The following AKR1C8 variants were observed in gnomAD, a reference collection of about 807,000 sequenced individuals.
AKR1C8 encodes the protein aldo-keto reductase family 1 member C-like protein 1.
chr10:5,148,171 A>G, the AKR1C8 span, among the ~76,000 whole-genome samples: 1 of 152,230 alleles, frequency 6.6e-6, no homozygotes, highest in Admixed American at 6.5e-5. Context: ...GCTGAATGAG[A>G]AACTGATCTC....
At chr10:5,119,916 A>T in the AKR1C8 span, among the ~76,000 whole-genome samples, 1 of 152,176 alleles carries the variant, frequency 6.6e-6, no homozygotes, top group Non-Finnish European at 1.5e-5. Context: ...TGTATCTCTA[A>T]TATCTAGACA....
the AKR1C8 span, among the ~76,000 whole-genome samples, chr10:5,125,469 C>G: frequency 6.6e-6 from 1 of 152,162 alleles, no homozygotes; most frequent in African/African-American, 2.4e-5. Context: ...AATACCTCCC[C>G]TAGGGCAACA....
At chr10:5,179,559 T>G in the AKR1C8 span, among the ~76,000 whole-genome samples, 1,910 of 151,846 alleles carry the variant, frequency 0.013, 27 homozygotes, top group Middle Eastern at 0.031. Flanking sequence ...TCCTGGATAA[T>G]ATCCTGCAGA....
the AKR1C8 span, among the ~76,000 whole-genome samples, chr10:5,157,973 G>A: frequency 3.3e-5 from 5 of 152,132 alleles, no homozygotes; most frequent in African/African-American, 1.2e-4. Context: ...GCAGTGAACT[G>A]GAAACAATAA....
the AKR1C8 span, chr10:5,121,956 G>A: frequency 4.7e-6 from 1 of 213,134 alleles, no homozygotes; most frequent in South Asian, 6.1e-5. Flanking sequence ...TGGTCTGAGG[G>A]CTACAGTGAA....
chr10:5,148,225 G>A, the AKR1C8 span, among the ~76,000 whole-genome samples: 4 of 152,122 alleles, frequency 2.6e-5, no homozygotes, highest in African/African-American at 9.6e-5. Flanking sequence ...ATAGAGAGGA[G>A]GAGGAACATA....
chr10:5,146,730 T>C, the AKR1C8 span, among the ~76,000 whole-genome samples: 8 of 152,168 alleles, frequency 5.3e-5, no homozygotes, highest in African/African-American at 1.7e-4. Context: ...AAAAGCTCTT[T>C]AGTTTAATTA....
At chr10:5,158,775 T>C in the AKR1C8 span, 5 of 465,740 alleles carry the variant, frequency 1.1e-5, no homozygotes, top group East Asian at 2.8e-4. Flanking sequence ...AAATTTAAAA[T>C]TGGTCTGAAG....
At chr10:5,125,951 T>C in the AKR1C8 span, among the ~76,000 whole-genome samples, 1 of 152,318 alleles carries the variant, frequency 6.6e-6, no homozygotes, top group East Asian at 1.9e-4. Context: ...CTACTCCTAG[T>C]GTAATGGAAG....
the AKR1C8 span, among the ~76,000 whole-genome samples, chr10:5,143,886 T>TA: frequency 1.3e-5 from 2 of 151,992 alleles, no homozygotes; most frequent in Admixed American, 1.3e-4. Context: ...ACCACTCTAA[T>TA]CTAACCAAAC....
chr10:5,172,700 T>C, the AKR1C8 span, among the ~76,000 whole-genome samples: 3 of 152,152 alleles, frequency 2.0e-5, no homozygotes, highest in Non-Finnish European at 4.4e-5. Context: ...AAGACATTTC[T>C]AATTTTACTG....
At chr10:5,162,886 G>T in the AKR1C8 span, 1 of 534,394 alleles carries the variant, frequency 1.9e-6, no homozygotes, top group Non-Finnish European at 3.8e-6. Context: ...CTCTCTTGAC[G>T]GTACCATCAG....
chr10:5,148,085 C>G, the AKR1C8 span, among the ~76,000 whole-genome samples: 1 of 152,106 alleles, frequency 6.6e-6, no homozygotes. Flanking sequence ...AGGTGTGAGG[C>G]CTCTGGCTTC....
the AKR1C8 span, among the ~76,000 whole-genome samples, chr10:5,124,121 G>C: frequency 2.0e-5 from 3 of 152,258 alleles, no homozygotes; most frequent in East Asian, 5.8e-4. Flanking sequence ...GATAGGGTAG[G>C]ATTCTGAGCT....
At chr10:5,143,569 C>T in the AKR1C8 span, among the ~76,000 whole-genome samples, 1 of 151,842 alleles carries the variant, frequency 6.6e-6, no homozygotes, top group Non-Finnish European at 1.5e-5. Context: ...GAGGCAATCC[C>T]TCAAATGTAT....
At chr10:5,158,431 G>C in the AKR1C8 span, among the ~76,000 whole-genome samples, 1 of 152,134 alleles carries the variant, frequency 6.6e-6, no homozygotes, top group Non-Finnish European at 1.5e-5. Flanking sequence ...AAAGAATGTT[G>C]GTGACATTTA....
chr10:5,139,508 C>A, the AKR1C8 span, among the ~76,000 whole-genome samples: 4,805 of 152,206 alleles, frequency 0.032, 259 homozygotes, highest in African/African-American at 0.11. Flanking sequence ...ACCTCTACAA[C>A]CATCTGATCT....
chr10:5,165,898 G>A, the AKR1C8 span, among the ~76,000 whole-genome samples: 4 of 152,048 alleles, frequency 2.6e-5, no homozygotes, highest in East Asian at 3.9e-4. Context: ...TCACACAGGT[G>A]AACATGACTA....
the AKR1C8 span, among the ~76,000 whole-genome samples, chr10:5,120,833 T>C: frequency 5.3e-4 from 81 of 152,288 alleles, no homozygotes; most frequent in African/African-American, 1.9e-3. Context: ...GTCATATTTT[T>C]ATTTTATTTT....
Sources: allele counts gnomAD v4.1 joint callset (sites outside exome capture counted in the v4.1 genomes callset), GRCh38; gene constraint gnomAD v4.1.1; transcripts MANE v1.5; gene names NCBI Gene and HGNC (gene_info 2026-07-23, HGNC 2026-07-21).